The following SLC8A1 variants were observed in gnomAD, a reference collection of about 807,000 sequenced individuals.
SLC8A1 encodes solute carrier family 8 member A1.
Under a neutral mutation model 68.3 loss-of-function variants are expected in SLC8A1, and 18 were observed. The ratio of observed to expected loss-of-function variants is 0.26; its 90% CI spans 0.18 to 0.39. The LOEUF is 0.39. Among genes scored for constraint, SLC8A1 ranks in the 10% least tolerant of loss-of-function variants. SLC8A1 has a pLI of 1.00. For missense variants in SLC8A1, 985 were observed against 1,156.7 expected (o/e 0.85, Z 2.15); for synonymous variants, 475 against 415.5 (o/e 1.14, Z -1.74).
intron 2 of SLC8A1, among the ~76,000 whole-genome samples, chr2:40,206,054 A>C (rs1456116927): frequency 6.6e-6 from 1 of 152,078 alleles, no homozygotes; most frequent in Non-Finnish European, 1.5e-5. Context: ...GTAAAGTTAC[A>C]GAAAACTAGG....
intron 1 of SLC8A1, among the ~76,000 whole-genome samples, chr2:40,502,560 C>A (rs1559776322): frequency 6.6e-6 from 1 of 151,898 alleles, no homozygotes; most frequent in African/African-American, 2.4e-5. Flanking sequence ...CTCATTGGTT[C>A]TTACAATAAG....
At chr2:40,165,365 G>A (rs765805770) in intron 4 of SLC8A1, among the ~76,000 whole-genome samples, 1 of 152,106 alleles carries the variant, frequency 6.6e-6, no homozygotes, top group African/African-American at 2.4e-5. Flanking sequence ...GTGACCAAAG[G>A]GAAACACAAT....
At chr2:40,435,472 G>T (rs1314009874) in intron 1 of SLC8A1, among the ~76,000 whole-genome samples, 1 of 152,022 alleles carries the variant, frequency 6.6e-6, no homozygotes, top group Non-Finnish European at 1.5e-5. Context: ...CCCTTCCAAA[G>T]AAAGTTTCCT....
chr2:40,251,037 C>CAATCAAGAAGAAAT (rs1248852338), intron 2 of SLC8A1: 1 of 151,984 alleles, frequency 6.6e-6, no homozygotes, highest in African/African-American at 2.4e-5. Context: ...TAGCAAGTTC[C>CAATCAAGAAGAAAT]AATCAAGAAG....
chr2:40,416,054 T>TA (rs779668065), intron 2 of SLC8A1, among the ~76,000 whole-genome samples: 9,839 of 116,186 alleles, frequency 0.085, 829 homozygotes, highest in East Asian at 0.41. Context: ...GGCTCTGTTT[T>TA]AAAAAAAAAA....
intron 2 of SLC8A1, among the ~76,000 whole-genome samples, chr2:40,389,723 G>A (rs1684688059): frequency 1.3e-5 from 2 of 151,668 alleles, no homozygotes; most frequent in Admixed American, 1.3e-4. Flanking sequence ...ATACCTAGGT[G>A]TGGGGAAGCA....
intron 6 of SLC8A1, among the ~76,000 whole-genome samples, chr2:40,145,131 T>C (rs938254459): frequency 6.6e-6 from 1 of 152,170 alleles, no homozygotes; most frequent in Non-Finnish European, 1.5e-5. Flanking sequence ...CTTGGTGTAT[T>C]TGAGCTCTTT....
intron 2 of SLC8A1, among the ~76,000 whole-genome samples, chr2:40,276,298 T>C (rs1378668977): frequency 1.3e-5 from 2 of 152,194 alleles, no homozygotes; most frequent in Admixed American, 6.5e-5. Context: ...ACATGTTCCT[T>C]AACTGAGTGT....
chr2:40,104,978 A>T (rs936497150), exon 8 of SLC8A1: 1 of 152,088 alleles, frequency 6.6e-6, no homozygotes, highest in South Asian at 2.1e-4. Context: ...TACAATGTTA[A>T]TATAGAGACA....
Position 40,253,102 on chromosome 2 carries a change from C to CAT in SLC8A1, c.1809-75249_1809-75248dup, listed in dbSNP as rs901324896. Among the ~76,000 whole-genome samples, 5 of 106,822 alleles carry CAT rather than the reference C, an allele frequency of 4.7e-5. No individual in the cohort carries two copies. The Admixed American group carries it at 5.5e-4, about 12-fold the overall frequency. 70.1% of individuals were successfully genotyped at this position (106,822 alleles called of 152,430 possible). A position where few individuals can be genotyped will look rare whatever the true frequency, so the allele number is the denominator to read the frequency against. On this transcript the variant is annotated intron_variant, in intron 2 of 7. Transcript: ENST00000406785. Reference sequence around the variant, plus strand: ...TGTATAAATGTATATAGTATATATACATATATACGTGTATACATATATACA... The same window carrying CAT: ...TGTATAAATGTATATAGTATATATACATATATATACGTGTATACATATATACA...
At chr2:40,112,338 GCC>G (rs55841207) in exon 8 of SLC8A1, 52,517 of 146,506 alleles carry the variant, frequency 0.36, 9,911 homozygotes, top group East Asian at 0.7. Flanking sequence ...TGCATTTCCC[GCC>G]CCCCCCCCAA....
At chr2:40,177,746 T>C in intron 3 of SLC8A1, 1 of 1,524,596 alleles carries the variant, frequency 6.6e-7, no homozygotes, top group Non-Finnish European at 8.9e-7. Context: ...TTGTTTACTC[T>C]CACACCTTTC....
chr2:40,352,900 C>T (rs562388315), intron 2 of SLC8A1, among the ~76,000 whole-genome samples: 1 of 152,200 alleles, frequency 6.6e-6, no homozygotes, highest in African/African-American at 2.4e-5. Context: ...AAGAGCTTTC[C>T]AACTCTTTGT....
At chr2:40,131,128 G>GT (rs1389541229) in intron 7 of SLC8A1, among the ~76,000 whole-genome samples, 2 of 152,180 alleles carry the variant, frequency 1.3e-5, no homozygotes, top group East Asian at 3.9e-4. Flanking sequence ...CTACAACTCT[G>GT]TGAGATGGAT....
intron 7 of SLC8A1, among the ~76,000 whole-genome samples, chr2:40,134,611 T>C (rs2040135249): frequency 6.6e-6 from 1 of 152,200 alleles, no homozygotes; most frequent in Non-Finnish European, 1.5e-5. Flanking sequence ...ATATGTCCTA[T>C]TCAAGAATAA....
chr2:40,367,571 C>A (rs1457695310), intron 2 of SLC8A1, among the ~76,000 whole-genome samples: 1 of 151,928 alleles, frequency 6.6e-6, no homozygotes, highest in Non-Finnish European at 1.5e-5. Context: ...TGAAAACCGA[C>A]AACCCACTCT....
chr2:40,285,347 A>G (rs561641307), intron 2 of SLC8A1, among the ~76,000 whole-genome samples: 4 of 152,134 alleles, frequency 2.6e-5, no homozygotes, highest in African/African-American at 7.2e-5. Context: ...CCATGCTTTC[A>G]GTAGTAAACA....
At position 40,280,105 on chromosome 2, in the gene SLC8A1, A is replaced by G. The variant is rs2067295657; in HGVS notation, c.1809-102250T>C. Among the ~76,000 whole-genome samples, 5 of 152,232 alleles carry G rather than the reference A, an allele frequency of 3.3e-5. No homozygotes were observed. The South Asian group carries it at 8.3e-4, about 25-fold the overall frequency. Reference sequence around the variant, plus strand: ...AGAACTTTAAACCCTAGCCTTTTAGATAGATTTCTGCTTTTAAAGATTATC... The same window carrying G: ...AGAACTTTAAACCCTAGCCTTTTAGGTAGATTTCTGCTTTTAAAGATTATC... On this transcript the variant is annotated intron_variant, in intron 2 of 7. Coordinates refer to ENST00000406785, the Ensembl canonical transcript of SLC8A1.
chr2:40,377,371 A>G (rs950542807), intron 2 of SLC8A1, among the ~76,000 whole-genome samples: 2 of 152,098 alleles, frequency 1.3e-5, no homozygotes, highest in African/African-American at 4.8e-5. Flanking sequence ...GGCTTGTGAG[A>G]CCCTGAGCAG....
Sources: gnomAD v4.1 joint callset for allele counts (sites outside exome capture counted in the v4.1 genomes callset) on GRCh38, gnomAD v4.1.1 for gene constraint, MANE v1.5 for transcripts, NCBI Gene and HGNC (gene_info 2026-07-23, HGNC 2026-07-21) for gene names.